HSD17B13: variants seen among roughly 807,000 people sequenced by gnomAD.
The protein encoded by HSD17B13 is 17-beta-hydroxysteroid dehydrogenase 13.
Under a neutral mutation model 31.1 loss-of-function variants are expected in HSD17B13, and 26 were observed. That is an observed-to-expected ratio of 0.84 (90% confidence interval 0.61 to 1.16). The LOEUF (loss-of-function observed/expected upper bound fraction) is 1.16. Among genes scored for constraint, HSD17B13 ranks in the 50% most tolerant of loss-of-function variants. HSD17B13 has a pLI of 0.00. For synonymous variants in HSD17B13, 141 were observed against 133.7 expected, an observed-to-expected ratio of 1.05 and a Z score of -0.38; for missense variants, 374 against 366.5, an observed-to-expected ratio of 1.02 and a Z score of -0.17.
chr4:87,314,638 C>G (rs973397247), intron 4 of HSD17B13, among the ~76,000 whole-genome samples: 6 of 141,774 alleles, frequency 4.2e-5, no homozygotes, highest in Non-Finnish European at 6.0e-5. Flanking sequence ...CTCTCTCTCT[C>G]TCTCACACAC....
chr4:87,318,282 C>T, intron 2 of HSD17B13, 47 bp downstream of exon 2: 1 of 1,423,362 alleles, frequency 7.0e-7, no homozygotes, highest in Non-Finnish European at 9.9e-7. Flanking sequence ...CGTCAGCGTC[C>T]TAGGAAACAA....
At position 87,315,503 on chromosome 4, in the gene HSD17B13, T is replaced by A. The variant is rs756214770; in HGVS notation, c.547A>T (p.Ile183Phe). 2.5e-6 allele frequency: 4 copies of A among 1,590,748 alleles called. No homozygotes were observed. The highest frequency in any genetic ancestry group is 3.4e-6 in the Non-Finnish European group (4 of 1,159,960). ...VCGHEGIPYL[I>F]PYCSSKFAAV... ...GCATGTGATACTTACCAATATGGGA[T>A]GAGGTAAGGAATCCCTTCGTGGCCG... The change falls in exon 4 of 7, where the codon ATC (isoleucine) becomes TTC (phenylalanine). Residue 183 changes from isoleucine (I) to phenylalanine (F), a missense_variant. By Grantham distance (21) the Ile-to-Phe change is conservative. Coordinates refer to ENST00000328546, the MANE Select transcript of HSD17B13 (RefSeq NM_178135.5).
In HSD17B13 at chr4:87,304,065, T is replaced by C. The variant is rs1016707625; in HGVS notation, c.*1153A>G. On this transcript the variant is annotated 3_prime_UTR_variant, in exon 7 of 7. Transcript: ENST00000328546. Reference sequence around the variant, plus strand: ...TGGCTCACACCCGTAATCCCAGCACTTTGGGAGGCCGAGGCAGGTGGATCA... The same window carrying C: ...TGGCTCACACCCGTAATCCCAGCACCTTGGGAGGCCGAGGCAGGTGGATCA... 2 of 151,592 alleles carry C rather than the reference T, an allele frequency of 1.3e-5. No homozygotes were observed. Among genetic ancestry groups the C allele is most frequent in the African/African-American group, 4.8e-5 (2 of 41,278 alleles). 9.4% of individuals were successfully genotyped at this position (151,592 alleles called of 1,614,324 possible).
intron 5 of HSD17B13, among the ~76,000 whole-genome samples, chr4:87,312,599 G>A (rs1202032127): frequency 2.3e-5 from 3 of 129,220 alleles, no homozygotes; most frequent in African/African-American, 9.1e-5. Context: ...GCGCGATCTC[G>A]GCTCACTGCA....
At chr4:87,308,144 C>A (rs779643558) in intron 6 of HSD17B13, among the ~76,000 whole-genome samples, 18 of 152,178 alleles carry the variant, frequency 1.2e-4, no homozygotes, top group Non-Finnish European at 8.8e-5. Flanking sequence ...GAAGTCTATA[C>A]ATTTTCAGTG....
chr4:87,307,940 C>T (rs929207101), intron 6 of HSD17B13, among the ~76,000 whole-genome samples: 10 of 152,128 alleles, frequency 6.6e-5, no homozygotes, highest in African/African-American at 2.4e-4. Context: ...TGTTCTATTT[C>T]AAGTTTGTTC....
intron 4 of HSD17B13, among the ~76,000 whole-genome samples, chr4:87,314,387 C>CCT (rs138722914): frequency 2.6e-4 from 40 of 151,850 alleles, no homozygotes; most frequent in Non-Finnish European, 1.0e-4. Flanking sequence ...GCTCATTTCT[C>CCT]CTCTCTCTCT....
chr4:87,317,542 A>T (rs1334989652), intron 2 of HSD17B13, among the ~76,000 whole-genome samples: 1 of 114,680 alleles, frequency 8.7e-6, no homozygotes, highest in African/African-American at 3.3e-5. Flanking sequence ...TTCATTTTTT[A>T]AAAATGTGTT....
intron 4 of HSD17B13, among the ~76,000 whole-genome samples, chr4:87,315,274 C>T (rs867099883): frequency 3.3e-5 from 5 of 152,100 alleles, no homozygotes; most frequent in African/African-American, 1.2e-4. Context: ...GGCTCTTGAG[C>T]CCCTGTGCTT....
At chr4:87,315,232 G>A (rs954547422) in intron 4 of HSD17B13, among the ~76,000 whole-genome samples, 1 of 152,160 alleles carries the variant, frequency 6.6e-6, no homozygotes, top group African/African-American at 2.4e-5. Flanking sequence ...AAACCTCTAG[G>A]GGGTATTTAA....
At chr4:87,315,181 T>C (rs1179351718) in intron 4 of HSD17B13, among the ~76,000 whole-genome samples, 1 of 152,166 alleles carries the variant, frequency 6.6e-6, no homozygotes, top group Non-Finnish European at 1.5e-5. Context: ...CTTTAATTCA[T>C]CCTCTTCATT....
intron 5 of HSD17B13, 123 bp downstream of exon 5, chr4:87,313,700 A>ATAC: frequency 1.3e-6 from 1 of 749,974 alleles, no homozygotes; most frequent in South Asian, 2.3e-5. Context: ...AATAATAATA[A>ATAC]TAAGAAAAAT....
At chr4:87,314,641 T>TCTCTCTCTCACACACACACACA (rs373166006) in intron 4 of HSD17B13, among the ~76,000 whole-genome samples, 1 of 142,140 alleles carries the variant, frequency 7.0e-6, no homozygotes, top group African/African-American at 2.5e-5. Flanking sequence ...TCTCTCTCTC[T>TCTCTCTCTCACACACACACACA]CACACACACA....
In HSD17B13 at chr4:87,303,930, C is replaced by T. The variant is rs2110094804; in HGVS notation, c.*1288G>A. On this transcript the variant is annotated 3_prime_UTR_variant, in exon 7 of 7. Transcript: ENST00000328546. ...TTTTAATAAAAACAAGAGGATAGTCCATGCAAAAGCATTCTATAATACATG... is the reference window on the plus strand; with the variant it reads ...TTTTAATAAAAACAAGAGGATAGTCTATGCAAAAGCATTCTATAATACATG... 6.6e-6 allele frequency: 1 copy of T among 151,744 alleles called. No individual in the cohort carries two copies. The highest frequency in any genetic ancestry group is 1.9e-4 in the East Asian group (1 of 5,176). The allele number at this position is 151,744 out of a possible 1,614,324, so 9.4% of individuals were successfully genotyped here. A position where few individuals can be genotyped will look rare whatever the true frequency, so the allele number is the denominator to read the frequency against.
chr4:87,305,294 C>T lies in HSD17B13; in HGVS notation c.827G>A (p.Arg276His), dbSNP rs141836259. 8.1e-6 allele frequency: 13 copies of T among 1,601,844 alleles called. No homozygotes were observed. The highest frequency in any genetic ancestry group is 2.2e-5 in the East Asian group (1 of 44,714). Reference protein sequence around the residue: ...FLRLQKFLPERASAILNRMQN... With the variant: ...FLRLQKFLPEHASAILNRMQN... ...CATACGATTTAAAATCGCTGAGGCG[C>T]GTTCAGGAAGAAACCTGTACAAAAA... is the stretch of plus-strand genomic sequence containing the variant. The change falls in exon 7 of 7, where the codon CGC (arginine) becomes CAC (histidine). Residue 276 changes from arginine to histidine, a missense_variant. By Grantham distance (29) the Arg-to-His change is conservative. Coordinates refer to ENST00000328546, the MANE Select transcript of HSD17B13 (RefSeq NM_178135.5).
Position 87,310,299 on chromosome 4 carries a change from G to A in HSD17B13, c.756C>T (p.Thr252=), listed in dbSNP as rs962688693. 27 of 1,580,512 alleles carry A rather than the reference G, an allele frequency of 1.7e-5. No individual in the cohort carries two copies. Among genetic ancestry groups the A allele is most frequent in the Non-Finnish European group, 2.2e-5 (26 of 1,167,538 alleles). The change falls in exon 6 of 7, where the codon ACC becomes ACT. Residue 252 remains threonine, a synonymous_variant. Coordinates refer to ENST00000328546, the MANE Select transcript of HSD17B13 (RefSeq NM_178135.5). ...ATGGAACAAAAATCATTTTCTTATT[G>A]GTAAGTATTCCATCTATCAGACTTC... is the stretch of plus-strand genomic sequence containing the variant. ...VVRSLIDGIL[T]NKKMIFVPSY...
intron 3 of HSD17B13, among the ~76,000 whole-genome samples, chr4:87,316,138 C>T (rs557428814): frequency 6.6e-6 from 1 of 151,776 alleles, no homozygotes; most frequent in East Asian, 1.9e-4. Context: ...TTCTTTTTTT[C>T]CAAAAACCTC....
Position 87,315,551 on chromosome 4 carries a change from T to A in HSD17B13, c.499A>T (p.Ile167Phe). Reference sequence around the variant, plus strand: ...CCGCACACTGAAGCCACTGTGACGATGTGGCCATGATTTCTCTCCATCATC... The same window carrying A: ...CCGCACACTGAAGCCACTGTGACGAAGTGGCCATGATTTCTCTCCATCATC... ...PSMMERNHGHIVTVASVCGHE... is the reference protein window; with the variant it reads ...PSMMERNHGHFVTVASVCGHE... The change falls in exon 4 of 7, where the codon ATC becomes TTC. Residue 167 changes from isoleucine (I) to phenylalanine (F), a missense_variant. Transcript: ENST00000328546. The A allele has an allele frequency of 6.2e-7, 1 of 1,611,892 alleles. No individual in the cohort carries two copies. Among genetic ancestry groups the A allele is most frequent in the Admixed American group, 1.7e-5 (1 of 59,930 alleles).
At chr4:87,317,357 G>C in intron 2 of HSD17B13, 134 bp from the exon 3 acceptor site, 1 of 826,432 alleles carries the variant, frequency 1.2e-6, no homozygotes, top group Non-Finnish European at 1.9e-6. Flanking sequence ...ACAGACTGTT[G>C]AGCTCAAATC....
Sources: allele counts gnomAD v4.1 joint callset (sites outside exome capture counted in the v4.1 genomes callset), GRCh38; gene constraint gnomAD v4.1.1; transcripts MANE v1.5; gene names NCBI Gene and HGNC (gene_info 2026-07-23, HGNC 2026-07-21).